The following CDH2 variants were observed in gnomAD, a reference collection of about 807,000 sequenced individuals.
CDH2 encodes cadherin-2.
Under a neutral mutation model 92.0 loss-of-function variants are expected in CDH2, and 17 were observed. The ratio of observed to expected loss-of-function variants is 0.18; its 90% CI spans 0.13 to 0.28. The LOEUF (loss-of-function observed/expected upper bound fraction) is 0.28, where lower values mean the gene tolerates loss of function less well. Ranked by LOEUF, CDH2 falls within the 10% of genes least tolerant of loss-of-function variation. The pLI is 1.00. For missense variants in CDH2, 862 were observed against 1,133.1 expected (o/e 0.76, Z 3.44); for synonymous variants, 419 against 415.9 (o/e 1.01, Z -0.09).
At chr18:28,093,982 C>T (rs1008726396) in intron 2 of CDH2, among the ~76,000 whole-genome samples, 1 of 152,106 alleles carries the variant, frequency 6.6e-6, no homozygotes, top group Admixed American at 6.5e-5. Flanking sequence ...GTCCCATAGC[C>T]CACACACCAA....
rs1568025306 is a variant in CDH2 at position 28,168,783 on chromosome 18, CA to C, written c.60+8179del. On this transcript the variant is annotated intron_variant, in intron 1 of 15. Coordinates refer to ENST00000269141, the MANE Select transcript of CDH2 (RefSeq NM_001792.5). ...CAAAATATTTAAGGCCAAGATTAAA[CA>C]GAGAGTGTAATTCAAAAGTTAATTA... 2.0e-5 allele frequency among the ~76,000 whole-genome samples: 3 copies of C among 151,906 alleles called. No homozygotes were observed. In the South Asian group the frequency reaches 6.2e-4, roughly 32 times the overall value.
chr18:28,057,311 T>C (rs973237846), intron 2 of CDH2, among the ~76,000 whole-genome samples: 2 of 152,224 alleles, frequency 1.3e-5, no homozygotes, highest in East Asian at 3.8e-4. Flanking sequence ...GGAAATGCTT[T>C]GGCAGACTTT....
In CDH2 at chr18:28,006,005, A is replaced by G; in HGVS notation, c.703-12T>C. On this transcript the variant is annotated splice_polypyrimidine_tract_variant and intron_variant, in intron 5 of 15. Coordinates refer to ENST00000269141, the MANE Select transcript of CDH2 (RefSeq NM_001792.5). ...GCATGTGCCCTCAACTGCAAAAGTA[A>G]TTAGAAAACAACTATTTAACAGATT... The G allele has an allele frequency of 6.3e-7, 1 of 1,599,712 alleles. No homozygotes were observed. The highest frequency in any genetic ancestry group is 1.7e-5 in the Admixed American group (1 of 59,792).
intron 2 of CDH2, among the ~76,000 whole-genome samples, chr18:28,021,053 C>T (rs1447422098): frequency 2.0e-5 from 3 of 151,834 alleles, no homozygotes; most frequent in African/African-American, 4.8e-5. Flanking sequence ...ATGGTTGTCT[C>T]GTTGTCAATA....
At position 27,999,698 on chromosome 18, in the gene CDH2, A is replaced by G. The variant is rs529014083; in HGVS notation, c.1020+3299T>C. Reference sequence around the variant, plus strand: ...TACATATATATATGTGTGTGTGTGTATATATATGTATATATGTGTGTGTGT... The same window carrying G: ...TACATATATATATGTGTGTGTGTGTGTATATATGTATATATGTGTGTGTGT... On this transcript the variant is annotated intron_variant, in intron 7 of 15. Coordinates refer to ENST00000269141, the MANE Select transcript of CDH2 (RefSeq NM_001792.5). 2.2e-3 allele frequency among the ~76,000 whole-genome samples: 326 copies of G among 151,204 alleles called. 2 individuals carry two copies. Among genetic ancestry groups the G allele is most frequent in the African/African-American group, 7.2e-3 (295 of 41,140 alleles).
chr18:28,006,978 C>T (rs1006518031), intron 5 of CDH2, among the ~76,000 whole-genome samples: 1 of 150,864 alleles, frequency 6.6e-6, no homozygotes, highest in Non-Finnish European at 1.5e-5. Flanking sequence ...TCGAGATCAG[C>T]CTGGCCAACA....
rs117031905 is a variant in CDH2 at position 27,957,565 on chromosome 18, T to C, written c.2515-5206A>G. Reference sequence around the variant, plus strand: ...CTGTGCCCGGCCTCATCTACTTTTATCATCTTGTTTGGATGACACTAGATT... The same window carrying C: ...CTGTGCCCGGCCTCATCTACTTTTACCATCTTGTTTGGATGACACTAGATT... On this transcript the variant is annotated intron_variant, in intron 15 of 15. Coordinates refer to ENST00000269141, the MANE Select transcript of CDH2 (RefSeq NM_001792.5). Among the ~76,000 whole-genome samples, 633 of 152,242 alleles carry C rather than the reference T, an allele frequency of 4.2e-3. 5 individuals carry two copies. The highest frequency in any genetic ancestry group is 0.041 in the South Asian group (197 of 4,828).
chr18:28,093,825 T>C (rs2015078822), intron 2 of CDH2, among the ~76,000 whole-genome samples: 1 of 152,186 alleles, frequency 6.6e-6, no homozygotes, highest in African/African-American at 2.4e-5. Flanking sequence ...CAAAAGTAAA[T>C]TTCACTTTTA....
chr18:27,980,318 T>C (rs1159242513), intron 14 of CDH2, among the ~76,000 whole-genome samples: 1 of 152,052 alleles, frequency 6.6e-6, no homozygotes, highest in East Asian at 1.9e-4. Context: ...AGAGCTGTCA[T>C]GCTAAGGAAG....
At chr18:27,947,723 G>A (rs1243892773), downstream of CDH2, among the ~76,000 whole-genome samples, 31 of 151,824 alleles carry the variant, frequency 2.0e-4, no homozygotes, top group Admixed American at 3.9e-4. Flanking sequence ...ATATAAGTAT[G>A]TGATGTAAGC....
chr18:28,048,059 T>C (rs1490541180), intron 2 of CDH2, among the ~76,000 whole-genome samples: 1 of 151,734 alleles, frequency 6.6e-6, no homozygotes, highest in East Asian at 1.9e-4. Context: ...GAGATCTTAT[T>C]AGCAGGGATC....
intron 7 of CDH2, among the ~76,000 whole-genome samples, chr18:27,997,830 T>G (rs1411186242): frequency 6.6e-6 from 1 of 151,826 alleles, no homozygotes; most frequent in Non-Finnish European, 1.5e-5. Context: ...TTTTTGAGAC[T>G]GAGTCTCACT....
At chr18:28,020,355 G>C (rs949171263) in intron 2 of CDH2, among the ~76,000 whole-genome samples, 1 of 151,660 alleles carries the variant, frequency 6.6e-6, no homozygotes, top group Non-Finnish European at 1.5e-5. Flanking sequence ...AGACTTTAAG[G>C]CTTAAAAATA....
Position 27,990,369 on chromosome 18 carries a change from G to A in CDH2, c.1345-19C>T, listed in dbSNP as rs201500400. 3.1e-6 allele frequency: 5 copies of A among 1,597,606 alleles called. No individual in the cohort carries two copies. The highest frequency in any genetic ancestry group is 2.2e-5 in the East Asian group (1 of 44,632). ...CGATTGGCTGGAAAATAAAAGGGAA[G>A]CCATATTTTTGCAGGAAATAAGAAT... On this transcript the variant is annotated intron_variant, in intron 9 of 15. Transcript: ENST00000269141.
intron 1 of CDH2, among the ~76,000 whole-genome samples, chr18:28,155,936 C>G (rs924411650): frequency 2.0e-5 from 3 of 152,102 alleles, no homozygotes; most frequent in Admixed American, 1.3e-4. Context: ...ATTTCACATC[C>G]CTGCAAAAAT....
chr18:28,054,238 G>T (rs2014248477), intron 2 of CDH2, among the ~76,000 whole-genome samples: 1 of 152,018 alleles, frequency 6.6e-6, no homozygotes, highest in African/African-American at 2.4e-5. Flanking sequence ...TAAGAACCAT[G>T]GACTCAGAAG....
intron 2 of CDH2, among the ~76,000 whole-genome samples, chr18:28,064,735 G>C (rs184339619): frequency 6.6e-6 from 1 of 151,744 alleles, no homozygotes; most frequent in African/African-American, 2.4e-5. Context: ...CACTTAAAAT[G>C]AGAAAATAAA....
chr18:27,939,747 A>G (rs1909094022), intron 6 of CDH2, among the ~76,000 whole-genome samples: 1 of 152,202 alleles, frequency 6.6e-6, no homozygotes, highest in African/African-American at 2.4e-5. Flanking sequence ...TAAATGGCTA[A>G]GTTACCAAAG....
intron 4 of CDH2, 83 bp from the exon 5 acceptor site, chr18:28,009,955 C>CT: frequency 9.4e-7 from 1 of 1,059,546 alleles, no homozygotes; most frequent in South Asian, 2.1e-5. Context: ...ACTTCATGCC[C>CT]TTTTTCAGCT....
Sources: allele counts gnomAD v4.1 joint callset (sites outside exome capture counted in the v4.1 genomes callset), GRCh38; gene constraint gnomAD v4.1.1; transcripts MANE v1.5; gene names NCBI Gene and HGNC (gene_info 2026-07-23, HGNC 2026-07-21).